The following ABI3BP variants were observed in gnomAD, a reference collection of about 807,000 sequenced individuals.
ABI3BP encodes target of Nesh-SH3.
ABI3BP carries 216 observed loss-of-function variants against 268.6 expected under a neutral mutation model. The ratio of observed to expected loss-of-function variants is 0.80; its 90% CI spans 0.72 to 0.90. ABI3BP has a LOEUF of 0.90. ABI3BP is among the 40% of genes least tolerant of loss of function. ABI3BP has a pLI of 0.00. For synonymous variants in ABI3BP, 730 were observed against 730.0 expected, an observed-to-expected ratio of 1.00 and a Z score of 0.00; for missense variants, 2,090 against 2,182.4, an observed-to-expected ratio of 0.96 and a Z score of 0.84.
intron 1 of ABI3BP, among the ~76,000 whole-genome samples, chr3:100,981,783 G>A (rs375095982): frequency 1.3e-5 from 2 of 152,062 alleles, no homozygotes; most frequent in South Asian, 4.2e-4. Context: ...CCTCTCTGCC[G>A]ATCCTGTTTC....
chr3:100,971,012 C>T (rs559973816), intron 1 of ABI3BP, among the ~76,000 whole-genome samples: 95 of 152,290 alleles, frequency 6.2e-4, no homozygotes, highest in South Asian at 1.9e-3. Flanking sequence ...CTTAAAGCTG[C>T]TTTCTTGGTA....
intron 42 of ABI3BP, 60 bp downstream of exon 42, chr3:100,817,376 G>A: frequency 8.4e-7 from 1 of 1,183,984 alleles, no homozygotes; most frequent in Non-Finnish European, 1.2e-6. Context: ...TTATGATAAT[G>A]ATGGAATGGA....
chr3:100,902,754 A>G (rs1258210217), intron 2 of ABI3BP, 68 bp from the exon 3 acceptor site: 1 of 1,302,338 alleles, frequency 7.7e-7, no homozygotes, highest in African/African-American at 1.5e-5. Flanking sequence ...GCACACCCCT[A>G]CCCTGATTCA....
intron 63 of ABI3BP, among the ~76,000 whole-genome samples, chr3:100,763,463 C>CAAAAAAAAA (rs1418781949): frequency 9.1e-6 from 1 of 109,338 alleles, no homozygotes; most frequent in Non-Finnish European, 2.0e-5. Context: ...GACTCTGTCT[C>CAAAAAAAAA]AAAAAAAAAA....
chr3:100,907,533 A>G (rs1433015610), intron 2 of ABI3BP, among the ~76,000 whole-genome samples: 19 of 152,142 alleles, frequency 1.2e-4, no homozygotes, highest in Admixed American at 1.2e-3. Flanking sequence ...CACAAGAAGT[A>G]TGAATTAAGT....
chr3:100,862,565 T>C, intron 13 of ABI3BP, 180 bp from the exon 14 acceptor site: 2 of 590,240 alleles, frequency 3.4e-6, no homozygotes, highest in Non-Finnish European at 3.0e-6. Context: ...GAACATTTGA[T>C]TAGTGGTCAG....
chr3:100,810,236 GAAC>G (rs2097823371), intron 49 of ABI3BP, among the ~76,000 whole-genome samples, 173 bp downstream of exon 49: 1 of 152,004 alleles, frequency 6.6e-6, no homozygotes, highest in South Asian at 2.1e-4. Context: ...ATATCCTAAA[GAAC>G]AACACTGCCA....
chr3:100,893,710 G>T (rs1389441165), intron 4 of ABI3BP, among the ~76,000 whole-genome samples: 2 of 152,166 alleles, frequency 1.3e-5, no homozygotes, highest in Admixed American at 1.3e-4. Context: ...CTGAAAAGTA[G>T]CTTAGAATAC....
chr3:100,885,565 G>C lies in ABI3BP; in HGVS notation c.667C>G (p.Gln223Glu). Residue 223 changes from glutamine to glutamate, a missense_variant, in exon 6 of 68, where the codon CAA becomes GAA. By Grantham distance (29) the Gln-to-Glu change is conservative. Transcript: ENST00000471714. ...VGSKKVNGKIQSTYDQDHTVP... is the reference protein window; with the variant it reads ...VGSKKVNGKIESTYDQDHTVP... ...GTGTGGTCTTGGTCATAGGTACTTT[G>C]GATTTTCCCATTTACTTTTTTACCT... is the stretch of plus-strand genomic sequence containing the variant. 1 of 1,559,478 alleles carries C rather than the reference G, an allele frequency of 6.4e-7. No individual in the cohort carries two copies. The highest frequency in any genetic ancestry group is 8.7e-7 in the Non-Finnish European group (1 of 1,148,436).
intron 49 of ABI3BP, among the ~76,000 whole-genome samples, 182 bp downstream of exon 49, chr3:100,810,230 C>A (rs1380040471): frequency 6.6e-6 from 1 of 152,034 alleles, no homozygotes; most frequent in East Asian, 1.9e-4. Context: ...TCAACCATAT[C>A]CTAAAGAACA....
intron 15 of ABI3BP, 88 bp from the exon 16 acceptor site, chr3:100,850,822 A>G (rs2098829316): frequency 2.1e-6 from 2 of 968,646 alleles, no homozygotes; most frequent in Non-Finnish European, 3.2e-6. Context: ...TATGCCTCAT[A>G]TGAGGAAAAA....
At position 100,838,285 on chromosome 3, in the gene ABI3BP, C is replaced by T; in HGVS notation, c.2009-1G>A. On this transcript the variant is annotated splice_acceptor_variant, in intron 25 of 67. Coordinates refer to ENST00000471714, the MANE Select transcript of ABI3BP (RefSeq NM_001375547.2). LOFTEE classifies it high-confidence loss of function. ...AGTAATTGTTTTGGTGGTTTTGAACCTGAAGAAAATTAGAGTGCCATAATT... is the reference window on the plus strand; with the variant it reads ...AGTAATTGTTTTGGTGGTTTTGAACTTGAAGAAAATTAGAGTGCCATAATT... 2.0e-6 allele frequency: 3 copies of T among 1,536,170 alleles called. No homozygotes were observed. The highest frequency in any genetic ancestry group is 2.6e-6 in the Non-Finnish European group (3 of 1,146,714).
intron 4 of ABI3BP, among the ~76,000 whole-genome samples, chr3:100,893,836 C>T (rs2045913697): frequency 6.6e-6 from 1 of 152,116 alleles, no homozygotes; most frequent in African/African-American, 2.4e-5. Flanking sequence ...GAGGGGATCA[C>T]TGGAGAAGCA....
chr3:100,832,814 T>G (rs1002590461), intron 30 of ABI3BP, among the ~76,000 whole-genome samples: 1 of 152,084 alleles, frequency 6.6e-6, no homozygotes, highest in Non-Finnish European at 1.5e-5. Flanking sequence ...ATAAAGAAAC[T>G]TCATGATATC....
chr3:100,891,815 G>A (rs576416847), intron 4 of ABI3BP, among the ~76,000 whole-genome samples: 9 of 152,246 alleles, frequency 5.9e-5, no homozygotes, highest in Non-Finnish European at 1.0e-4. Flanking sequence ...TTCTGTGTGA[G>A]ATGGAAGCAA....
At chr3:100,960,145 C>T (rs2713785) in intron 1 of ABI3BP, among the ~76,000 whole-genome samples, 152,297 of 152,334 alleles carry the variant, frequency 1, 76,130 homozygotes, top group Middle Eastern at 1. Context: ...TATAATCAGA[C>T]AATAATTTCA....
At chr3:100,773,097 A>T (rs1021051395) in intron 61 of ABI3BP, among the ~76,000 whole-genome samples, 3 of 151,620 alleles carry the variant, frequency 2.0e-5, no homozygotes, top group Admixed American at 6.6e-5. Flanking sequence ...AAAAAAAAGA[A>T]AAGAAAAAGA....
chr3:100,972,270 A>G (rs565026580), intron 1 of ABI3BP, among the ~76,000 whole-genome samples: 1 of 152,076 alleles, frequency 6.6e-6, no homozygotes, highest in African/African-American at 2.4e-5. Context: ...TATGTGAAAA[A>G]CCCCTCTGTA....
chr3:100,845,024 C>A (rs534246266), intron 20 of ABI3BP, among the ~76,000 whole-genome samples: 1 of 152,180 alleles, frequency 6.6e-6, no homozygotes, highest in South Asian at 2.1e-4. Flanking sequence ...TAAACTATAA[C>A]CAATGTTTGG....
Sources: allele counts gnomAD v4.1 joint callset (sites outside exome capture counted in the v4.1 genomes callset), GRCh38; gene constraint gnomAD v4.1.1; transcripts MANE v1.5; gene names NCBI Gene and HGNC (gene_info 2026-07-23, HGNC 2026-07-21).